Variants in NTM observed in about 807,000 individuals in gnomAD.
The protein encoded by NTM is neurotrimin.
In NTM, 13 loss-of-function variants were observed where a neutral mutation model predicts 42.1. The ratio of observed to expected loss-of-function variants is 0.31; its 90% CI spans 0.20 to 0.49. NTM has a LOEUF of 0.49. NTM is among the 20% of genes least tolerant of loss of function. NTM has a pLI of 0.99. For synonymous variants in NTM, 187 were observed against 179.2 expected, an observed-to-expected ratio of 1.04 and a Z score of -0.35; for missense variants, 373 against 452.8, an observed-to-expected ratio of 0.82 and a Z score of 1.60.
intron 3 of NTM, among the ~76,000 whole-genome samples, chr11:132,156,687 C>CT (rs1317173585): frequency 3.1e-4 from 45 of 144,504 alleles, no homozygotes; most frequent in African/African-American, 1.1e-3. Context: ...CAAAATGATT[C>CT]ATTTTTTTTT....
intron 3 of NTM, among the ~76,000 whole-genome samples, chr11:132,190,492 C>T (rs1005088031): frequency 1.3e-5 from 2 of 152,054 alleles, no homozygotes; most frequent in East Asian, 3.9e-4. Flanking sequence ...AATCCCAGCA[C>T]TTTGGGAGGC....
chr11:132,169,320 C>CTTTTTTT (rs567723794), intron 3 of NTM, among the ~76,000 whole-genome samples: 2,526 of 32,434 alleles, frequency 0.078, 870 homozygotes, highest in Non-Finnish European at 0.1. Flanking sequence ...AATTTTTTTA[C>CTTTTTTT]TTTTTTTTTT....
intron 1 of NTM, among the ~76,000 whole-genome samples, chr11:131,474,607 T>C (rs1952746926): frequency 6.6e-6 from 1 of 152,128 alleles, no homozygotes; most frequent in African/African-American, 2.4e-5. Context: ...CTTTCTTGAT[T>C]TGTAGCATCT....
chr11:131,538,576 C>G (rs535688938), intron 1 of NTM: 1 of 152,310 alleles, frequency 6.6e-6, no homozygotes, highest in Non-Finnish European at 1.5e-5. Flanking sequence ...TGCCTGATCA[C>G]GGGGCTGGAG....
At chr11:131,575,743 A>C (rs1283799515) in intron 1 of NTM, among the ~76,000 whole-genome samples, 1 of 152,110 alleles carries the variant, frequency 6.6e-6, no homozygotes, top group African/African-American at 2.4e-5. Context: ...TCCTTCCCCA[A>C]TTCAAAAAGA....
intron 1 of NTM, among the ~76,000 whole-genome samples, chr11:131,888,017 C>T (rs948526337): frequency 2.0e-5 from 3 of 152,160 alleles, no homozygotes; most frequent in Non-Finnish European, 2.9e-5. Context: ...AGTTGCTACT[C>T]AAAACTGCTT....
Position 131,911,561 on chromosome 11 carries a change from C to T in NTM, c.83-3C>T. ...CTCAGGCTGCTGTTCCTTGTACCCA[C>T]AGGAGTGCCCGTGCGCAGCGGAGAT... is the stretch of plus-strand genomic sequence containing the variant. On this transcript the variant is annotated splice_region_variant and splice_polypyrimidine_tract_variant and intron_variant, in intron 1 of 8. Coordinates refer to ENST00000683400, the MANE Select transcript of NTM (RefSeq NM_001352005.2). 1 of 1,614,226 alleles carries T rather than the reference C, an allele frequency of 6.2e-7. No individual in the cohort carries two copies. The highest frequency in any genetic ancestry group is 8.5e-7 in the Non-Finnish European group (1 of 1,180,038).
At chr11:131,750,433 C>T (rs1485661912) in intron 1 of NTM, among the ~76,000 whole-genome samples, 1 of 152,190 alleles carries the variant, frequency 6.6e-6, no homozygotes, top group Non-Finnish European at 1.5e-5. Flanking sequence ...CCTGCCATAA[C>T]AGTTACTGGA....
chr11:131,532,078 C>T (rs945986496), intron 1 of NTM, among the ~76,000 whole-genome samples: 26 of 152,132 alleles, frequency 1.7e-4, no homozygotes, highest in African/African-American at 6.0e-4. Context: ...GTAAAATATA[C>T]ATAACATCAA....
chr11:131,827,379 G>A (rs1007779787), intron 1 of NTM, among the ~76,000 whole-genome samples: 1 of 152,202 alleles, frequency 6.6e-6, no homozygotes, highest in African/African-American at 2.4e-5. Flanking sequence ...GGAAAGGCCA[G>A]TGGGGACAAC....
At chr11:132,248,876 A>C (rs2091576007) in intron 4 of NTM, among the ~76,000 whole-genome samples, 1 of 152,218 alleles carries the variant, frequency 6.6e-6, no homozygotes, top group Non-Finnish European at 1.5e-5. Context: ...TGGGCACTGC[A>C]TAGGAAAGGG....
At chr11:131,669,714 G>A (rs1421247543) in intron 1 of NTM, among the ~76,000 whole-genome samples, 1 of 152,132 alleles carries the variant, frequency 6.6e-6, no homozygotes, top group Non-Finnish European at 1.5e-5. Flanking sequence ...AGGCAGCAGG[G>A]GAAAGACAGG....
chr11:131,695,512 A>C (rs1284556061), intron 1 of NTM, among the ~76,000 whole-genome samples: 1 of 152,196 alleles, frequency 6.6e-6, no homozygotes, highest in East Asian at 1.9e-4. Flanking sequence ...TTTTCCAGGA[A>C]ATGAGGTTGT....
chr11:131,754,868 A>G (rs1486825896), intron 1 of NTM, among the ~76,000 whole-genome samples: 2 of 152,350 alleles, frequency 1.3e-5, no homozygotes, highest in African/African-American at 2.4e-5. Flanking sequence ...GGAATGCGCT[A>G]TTGATACAAG....
At chr11:131,771,882 C>T (rs2086155138) in intron 1 of NTM, among the ~76,000 whole-genome samples, 1 of 152,162 alleles carries the variant, frequency 6.6e-6, no homozygotes, top group South Asian at 2.1e-4. Flanking sequence ...CTGGATGAAA[C>T]ATGACAAGCT....
chr11:131,597,986 C>A (rs1184121441), intron 1 of NTM, among the ~76,000 whole-genome samples: 2 of 152,184 alleles, frequency 1.3e-5, no homozygotes, highest in Non-Finnish European at 2.9e-5. Flanking sequence ...GTGGCCCAGG[C>A]CCCAGGGACA....
In NTM at chr11:131,856,057, G is replaced by A. The variant is rs80225687; in HGVS notation, c.83-55507G>A. ...AAACTCCTGGACTGATTAGACAGTC[G>A]CTGCGTATTTATTGATCCCTTCTAG... is the stretch of plus-strand genomic sequence containing the variant. On this transcript the variant is annotated intron_variant, in intron 1 of 8. Coordinates refer to ENST00000683400, the MANE Select transcript of NTM (RefSeq NM_001352005.2). Among the ~76,000 whole-genome samples the A allele has an allele frequency of 5.0e-3, 765 of 152,276 alleles. 10 individuals carry two copies. Among genetic ancestry groups the A allele is most frequent in the African/African-American group, 0.017 (708 of 41,556 alleles).
chr11:131,613,204 G>T (rs1210543631), intron 1 of NTM, among the ~76,000 whole-genome samples: 1 of 152,092 alleles, frequency 6.6e-6, no homozygotes, highest in Non-Finnish European at 1.5e-5. Flanking sequence ...TCAACCCTCA[G>T]GTCTGGGCAC....
At chr11:131,604,215 C>G (rs549418144) in intron 1 of NTM, among the ~76,000 whole-genome samples, 1 of 152,124 alleles carries the variant, frequency 6.6e-6, no homozygotes, top group Non-Finnish European at 1.5e-5. Flanking sequence ...TTTACTATAA[C>G]CTTCCTCGTG....
Sources: gnomAD v4.1 joint callset for allele counts (sites outside exome capture counted in the v4.1 genomes callset) on GRCh38, gnomAD v4.1.1 for gene constraint, MANE v1.5 for transcripts, NCBI Gene and HGNC (gene_info 2026-07-23, HGNC 2026-07-21) for gene names.